SAMD5: variants seen among roughly 807,000 people sequenced by gnomAD.
The protein encoded by SAMD5 is sterile alpha motif domain containing 5.
In SAMD5, 13 loss-of-function variants were observed where a neutral mutation model predicts 11.3. That is an observed-to-expected ratio of 1.15 (90% CI 0.75 to 1.83). The LOEUF (loss-of-function observed/expected upper bound fraction) is 1.83. Ranked by LOEUF, SAMD5 falls within the 40% of genes most tolerant of loss-of-function variation. The probability of loss-of-function intolerance (pLI) is 0.00; values close to 1 mark genes in which losing one functional copy is unlikely to be tolerated. For missense variants in SAMD5, 255 were observed against 239.1 expected, an observed-to-expected ratio of 1.07 and a Z score of -0.44; for synonymous variants, 129 against 111.3, an observed-to-expected ratio of 1.16 and a Z score of -1.00.
the SAMD5 span, among the ~76,000 whole-genome samples, chr6:147,896,738 C>CAAAAAAAAAAAAAAAAAA: frequency 1.1e-4 from 6 of 55,318 alleles, no homozygotes; most frequent in African/African-American, 2.9e-4. Context: ...GAACATTAAC[C>CAAAAAAAAAAAAAAAAAA]AAAAAAAAAA....
intron 1 of SAMD5, among the ~76,000 whole-genome samples, chr6:147,618,174 G>A (rs1335389632): frequency 1.3e-5 from 2 of 152,206 alleles, no homozygotes; most frequent in Non-Finnish European, 2.9e-5. Context: ...TCAAACGTTG[G>A]TTGAGTGCTT....
chr6:147,870,435 T>G, the SAMD5 span, among the ~76,000 whole-genome samples: 3,641 of 125,920 alleles, frequency 0.029, 50 homozygotes, highest in African/African-American at 0.038. Flanking sequence ...CCCTTTGGTG[T>G]GTGTGTGTGT....
At chr6:147,849,458 G>A in the SAMD5 span, among the ~76,000 whole-genome samples, 1 of 151,852 alleles carries the variant, frequency 6.6e-6, no homozygotes, top group Non-Finnish European at 1.5e-5. Context: ...TTCTCCTAAG[G>A]AGGGCTCATA....
intron 1 of SAMD5, among the ~76,000 whole-genome samples, chr6:147,689,412 ATCTC>A (rs1315568973): frequency 6.7e-6 from 1 of 149,500 alleles, no homozygotes. Context: ...AATCTAATGA[ATCTC>A]TCTGAGTATC....
At chr6:147,662,368 GCTT>G in intron 1 of SAMD5, among the ~76,000 whole-genome samples, 1 of 152,134 alleles carries the variant, frequency 6.6e-6, no homozygotes, top group East Asian at 1.9e-4. Context: ...GCAATTAACA[GCTT>G]CATTCTAAAT....
the SAMD5 span, among the ~76,000 whole-genome samples, chr6:147,915,000 A>T: frequency 1.9e-3 from 296 of 152,340 alleles, no homozygotes; most frequent in African/African-American, 6.9e-3. Flanking sequence ...AGATCAAAGC[A>T]GACTAAAGAG....
chr6:147,882,229 G>A, the SAMD5 span, among the ~76,000 whole-genome samples: 2 of 152,076 alleles, frequency 1.3e-5, no homozygotes, highest in African/African-American at 4.8e-5. Context: ...ATATTATCTT[G>A]TTGATTCTCC....
In SAMD5 at chr6:147,567,051, A is replaced by G; in HGVS notation, c.*2595A>G. On this transcript the variant is annotated 3_prime_UTR_variant, in exon 2 of 2. Transcript: ENST00000367474. The stretch of plus-strand genomic sequence containing the variant: ...TACATTTCCTAGAGTATTAAAAGAG[A>G]TTAATTACAGACTTTCACTTGATAA... 1.1e-6 allele frequency: 1 copy of G among 951,164 alleles called. No individual in the cohort carries two copies. The highest frequency in any genetic ancestry group is 1.3e-6 in the Non-Finnish European group (1 of 798,838). 58.9% of individuals were successfully genotyped at this position (951,164 alleles called of 1,614,324 possible).
the SAMD5 span, among the ~76,000 whole-genome samples, chr6:147,777,222 A>G: frequency 6.6e-6 from 1 of 152,022 alleles, no homozygotes; most frequent in Admixed American, 6.6e-5. Flanking sequence ...TATAACTCGC[A>G]TCATGCCCCA....
At chr6:147,525,828 A>G (rs529007262) in intron 1 of SAMD5, among the ~76,000 whole-genome samples, 38 of 152,208 alleles carry the variant, frequency 2.5e-4, no homozygotes, top group Admixed American at 2.4e-3. Context: ...CAGTCTGTTG[A>G]TGTGTTCACG....
At chr6:147,515,837 A>T (rs111505884) in intron 1 of SAMD5, among the ~76,000 whole-genome samples, 18 of 152,196 alleles carry the variant, frequency 1.2e-4, no homozygotes, top group African/African-American at 4.1e-4. Context: ...TCAAATGTTT[A>T]AAAAAATCAA....
the SAMD5 span, among the ~76,000 whole-genome samples, chr6:147,913,909 C>T: frequency 2.0e-5 from 3 of 152,224 alleles, no homozygotes; most frequent in Non-Finnish European, 4.4e-5. Context: ...TCACTCACCA[C>T]TGAAAGACAC....
chr6:147,630,660 C>T (rs1790136007), intron 1 of SAMD5, among the ~76,000 whole-genome samples: 1 of 151,910 alleles, frequency 6.6e-6, no homozygotes, highest in African/African-American at 2.4e-5. Flanking sequence ...ACCCTCTTTT[C>T]TGACTCAGCC....
At chr6:147,889,685 A>G in the SAMD5 span, among the ~76,000 whole-genome samples, 6 of 152,192 alleles carry the variant, frequency 3.9e-5, no homozygotes, top group African/African-American at 1.4e-4. Flanking sequence ...CTCCCCAACA[A>G]TGACGGGATT....
the SAMD5 span, among the ~76,000 whole-genome samples, chr6:147,777,735 A>T: frequency 3.9e-5 from 6 of 152,288 alleles, no homozygotes; most frequent in East Asian, 9.7e-4. Context: ...GAAATTTGCT[A>T]GATACCTCAT....
intron 1 of SAMD5, among the ~76,000 whole-genome samples, chr6:147,656,516 T>A (rs912247138): frequency 6.6e-6 from 1 of 152,172 alleles, no homozygotes; most frequent in African/African-American, 2.4e-5. Flanking sequence ...GTTGTAAACA[T>A]CTTTTAAAAA....
chr6:147,822,495 A>G, the SAMD5 span, among the ~76,000 whole-genome samples: 88 of 152,334 alleles, frequency 5.8e-4, 1 homozygote, highest in Non-Finnish European at 1.1e-3. Context: ...TTAAGTATAT[A>G]GACTTGGTAT....
the SAMD5 span, among the ~76,000 whole-genome samples, chr6:147,904,993 A>G: frequency 6.6e-6 from 1 of 151,156 alleles, no homozygotes. Flanking sequence ...GATTCAAGCA[A>G]TTCTCCTGCC....
chr6:147,520,170 T>C (rs1223106903), intron 1 of SAMD5, among the ~76,000 whole-genome samples: 1 of 148,328 alleles, frequency 6.7e-6, no homozygotes, highest in Non-Finnish European at 1.5e-5. Context: ...CAGGCTGGAG[T>C]GCAGAGGCAC....
Sources: allele counts gnomAD v4.1 joint callset (sites outside exome capture counted in the v4.1 genomes callset), GRCh38; gene constraint gnomAD v4.1.1; transcripts MANE v1.5; gene names NCBI Gene and HGNC (gene_info 2026-07-23, HGNC 2026-07-21).